SLC1A1: variants seen among roughly 807,000 people sequenced by gnomAD.
The protein encoded by SLC1A1 is solute carrier family 1 member 1.
In SLC1A1, 43 loss-of-function variants were observed where a neutral mutation model predicts 53.3. That is an observed-to-expected ratio of 0.81 (90% CI 0.63 to 1.04). The LOEUF (loss-of-function observed/expected upper bound fraction) is 1.04, where lower values mean the gene tolerates loss of function less well. Among genes scored for constraint, SLC1A1 ranks in the 50% least tolerant of loss-of-function variants. The pLI, the probability that SLC1A1 is intolerant of heterozygous loss-of-function variation, is 0.00. For missense variants in SLC1A1, 748 were observed against 664.9 expected, an observed-to-expected ratio of 1.12 and a Z score of -1.37; for synonymous variants, 307 against 243.2, an observed-to-expected ratio of 1.26 and a Z score of -2.44.
chr9:4,572,183 T>C, intron 6 of SLC1A1, 21 bp from the exon 7 acceptor site: 2 of 1,605,404 alleles, frequency 1.2e-6, no homozygotes, highest in Non-Finnish European at 1.7e-6. Flanking sequence ...ATCAATATGT[T>C]TTCTTGGTTT....
rs917716000 is a variant in SLC1A1 at position 4,549,932 on chromosome 9, G to A, written c.232+5225G>A. 6.6e-5 allele frequency among the ~76,000 whole-genome samples: 10 copies of A among 152,074 alleles called. No individual in the cohort carries two copies. The highest frequency in any genetic ancestry group is 1.2e-4 in the Non-Finnish European group (8 of 68,002). ...CATTCCTAACCCTTCCTGTGATGTCGCAGCTCTGGATTTCCTAAAAACGCC... is the reference window on the plus strand; with the variant it reads ...CATTCCTAACCCTTCCTGTGATGTCACAGCTCTGGATTTCCTAAAAACGCC... On this transcript the variant is annotated intron_variant, in intron 2 of 11. Transcript: ENST00000262352. The surrounding 1 kb of genome is among the most constrained non-coding windows in gnomAD (Gnocchi z 4.1).
At chr9:4,580,622 T>G (rs1820988154) in intron 10 of SLC1A1, among the ~76,000 whole-genome samples, 1 of 120,450 alleles carries the variant, frequency 8.3e-6, no homozygotes, top group Non-Finnish European at 1.7e-5. Flanking sequence ...TGTGTGTGTG[T>G]GTGTGTGTGT....
Position 4,549,075 on chromosome 9 carries a change from T to C in SLC1A1, c.232+4368T>C, listed in dbSNP as rs1341727833. Among the ~76,000 whole-genome samples, 1 of 152,210 alleles carries C rather than the reference T, an allele frequency of 6.6e-6. No individual in the cohort carries two copies. On this transcript the variant is annotated intron_variant, in intron 2 of 11. Coordinates refer to ENST00000262352, the MANE Select transcript of SLC1A1 (RefSeq NM_004170.6). This position sits in a 1 kb window ranked among gnomAD's most constrained non-coding sequence, Gnocchi z 4.1. ...GTTTAAATTCAGGTCACATTTTCTT[T>C]ACTACTTCCCAAAATTAAACTATGA...
chr9:4,565,525 C>G (rs567465042), intron 4 of SLC1A1, among the ~76,000 whole-genome samples: 1 of 152,132 alleles, frequency 6.6e-6, no homozygotes, highest in East Asian at 1.9e-4. Flanking sequence ...AGAGCAAGGG[C>G]GAAGGGAGAA....
At chr9:4,563,140 G>GAA (rs534160415) in intron 3 of SLC1A1, among the ~76,000 whole-genome samples, 1 of 144,578 alleles carries the variant, frequency 6.9e-6, no homozygotes. Flanking sequence ...AAAAAAGAGA[G>GAA]AGAGAGAAAA....
intron 1 of SLC1A1, among the ~76,000 whole-genome samples, chr9:4,527,612 T>A (rs1816310311): frequency 1.3e-5 from 2 of 152,170 alleles, no homozygotes; most frequent in Non-Finnish European, 2.9e-5. Context: ...CAAACCAGGT[T>A]CTCATTTTAG....
chr9:4,537,765 C>T (rs1245141092), intron 1 of SLC1A1, among the ~76,000 whole-genome samples: 1 of 151,374 alleles, frequency 6.6e-6, no homozygotes, highest in African/African-American at 2.4e-5. Context: ...ACCAGGAGCC[C>T]TTGGGGGTAG....
At chr9:4,546,051 G>A (rs550355610) in intron 2 of SLC1A1, among the ~76,000 whole-genome samples, 9 of 151,912 alleles carry the variant, frequency 5.9e-5, no homozygotes, top group East Asian at 1.9e-4. Context: ...AGTACTGGAC[G>A]TTGGTGGGGG....
chr9:4,563,099 C>T (rs1276892395), intron 3 of SLC1A1, among the ~76,000 whole-genome samples: 3 of 146,880 alleles, frequency 2.0e-5, no homozygotes, highest in Admixed American at 6.9e-5. Flanking sequence ...GCACATATAC[C>T]CTAAAACTTA....
intron 5 of SLC1A1, among the ~76,000 whole-genome samples, chr9:4,566,759 A>T (rs548302621): frequency 6.6e-6 from 1 of 152,314 alleles, no homozygotes; most frequent in African/African-American, 2.4e-5. Context: ...CAGTGTAACA[A>T]AGCCATGATT....
chr9:4,560,133 C>T (rs1342332912), intron 2 of SLC1A1: 1 of 152,126 alleles, frequency 6.6e-6, no homozygotes, highest in Non-Finnish European at 1.5e-5. Flanking sequence ...AATATCTTTC[C>T]TTTTTCAAAT....
chr9:4,542,878 G>T (rs1192236698), intron 1 of SLC1A1, among the ~76,000 whole-genome samples: 1 of 152,070 alleles, frequency 6.6e-6, no homozygotes, highest in African/African-American at 2.4e-5. Flanking sequence ...TTTCATCTTT[G>T]TCTTAGCTAC....
intron 2 of SLC1A1, among the ~76,000 whole-genome samples, chr9:4,552,061 G>C (rs565190368): frequency 6.6e-6 from 1 of 152,258 alleles, no homozygotes; most frequent in South Asian, 2.1e-4. Flanking sequence ...CCTTCTTTCT[G>C]ACTAAACAGG....
chr9:4,501,287 A>G (rs913665184), intron 1 of SLC1A1, among the ~76,000 whole-genome samples: 2 of 150,818 alleles, frequency 1.3e-5, no homozygotes, highest in Admixed American at 1.3e-4. Flanking sequence ...GGTTCAAACA[A>G]TTTTCCTGCT....
At chr9:4,501,993 C>T (rs767316966) in intron 1 of SLC1A1, among the ~76,000 whole-genome samples, 2 of 151,684 alleles carry the variant, frequency 1.3e-5, no homozygotes, top group African/African-American at 2.4e-5. Flanking sequence ...AATCTCTGAG[C>T]CTCTCCCCAT....
chr9:4,540,082 C>G (rs1027644009), intron 1 of SLC1A1, among the ~76,000 whole-genome samples: 2 of 152,182 alleles, frequency 1.3e-5, no homozygotes, highest in Non-Finnish European at 2.9e-5. Context: ...CATCATGTGC[C>G]CATAAAAACC....
chr9:4,490,800 G>C, intron 1 of SLC1A1, 30 bp downstream of exon 1: 2 of 1,554,598 alleles, frequency 1.3e-6, no homozygotes, highest in South Asian at 1.1e-5. Context: ...GGCGATGCGC[G>C]CACCCTCACG....
intron 1 of SLC1A1, among the ~76,000 whole-genome samples, chr9:4,536,628 AGT>A (rs1440797375): frequency 6.6e-6 from 1 of 152,230 alleles, no homozygotes; most frequent in Non-Finnish European, 1.5e-5. Context: ...TGTGGAAGTC[AGT>A]GTGGCGATTC....
At chr9:4,582,780 C>G (rs1411274121) in intron 10 of SLC1A1, among the ~76,000 whole-genome samples, 4 of 152,168 alleles carry the variant, frequency 2.6e-5, no homozygotes, top group African/African-American at 9.7e-5. Flanking sequence ...TTATGCAGTT[C>G]TTCCTTGCAT....
Sources: gnomAD v4.1 joint callset for allele counts (sites outside exome capture counted in the v4.1 genomes callset) on GRCh38, gnomAD v4.1.1 for gene constraint, Gnocchi (gnomAD v3.1) non-coding constraint, MANE v1.5 for transcripts, NCBI Gene and HGNC (gene_info 2026-07-23, HGNC 2026-07-21) for gene names.